Variants in GLIS3 observed in about 807,000 individuals in gnomAD.
The protein encoded by GLIS3 is zinc finger protein GLIS3.
In GLIS3, 53 loss-of-function variants were observed where a neutral mutation model predicts 78.6. The ratio of observed to expected loss-of-function variants is 0.67; its 90% CI spans 0.54 to 0.85. The LOEUF (loss-of-function observed/expected upper bound fraction) is 0.85. Ranked by LOEUF, GLIS3 falls within the 40% of genes least tolerant of loss-of-function variation. The pLI is 0.00. For missense variants in GLIS3, 1,703 were observed against 1,231.1 expected (o/e 1.38, Z -5.74); for synonymous variants, 684 against 509.9 (o/e 1.34, Z -4.60).
chr9:4,354,871 C>CT, the GLIS3 span, among the ~76,000 whole-genome samples: 4 of 152,124 alleles, frequency 2.6e-5, no homozygotes, highest in African/African-American at 9.7e-5. Context: ...AATCCCAACA[C>CT]TTTGGGAGGC....
chr9:4,326,361 A>G (rs935382448), intron 2 of GLIS3, among the ~76,000 whole-genome samples: 4 of 152,250 alleles, frequency 2.6e-5, no homozygotes, highest in South Asian at 2.1e-4. Context: ...ATACAATGGA[A>G]TATTATTCAG....
intron 2 of GLIS3, among the ~76,000 whole-genome samples, chr9:4,319,642 G>A (rs962142413): frequency 6.6e-6 from 1 of 151,772 alleles, no homozygotes; most frequent in African/African-American, 2.4e-5. Context: ...TGATCCTCCT[G>A]CCTCACCCTC....
At chr9:4,322,773 G>T (rs1333043851) in intron 2 of GLIS3, among the ~76,000 whole-genome samples, 1 of 152,120 alleles carries the variant, frequency 6.6e-6, no homozygotes, top group African/African-American at 2.4e-5. Context: ...ATTTTTTCTT[G>T]TAAATTTGTT....
intron 4 of GLIS3, among the ~76,000 whole-genome samples, chr9:3,973,150 T>G (rs892897976): frequency 1.3e-5 from 2 of 152,194 alleles, no homozygotes; most frequent in African/African-American, 2.4e-5. Context: ...AGGGCAAGTC[T>G]GCTAGGGTTC....
chr9:3,892,372 C>T (rs977172931), intron 7 of GLIS3, among the ~76,000 whole-genome samples: 3 of 152,190 alleles, frequency 2.0e-5, no homozygotes, highest in South Asian at 4.1e-4. Context: ...GTTTGAGTCA[C>T]GGCCGGGGCA....
At chr9:4,195,898 G>A (rs1343065869) in intron 2 of GLIS3, among the ~76,000 whole-genome samples, 2 of 152,260 alleles carry the variant, frequency 1.3e-5, no homozygotes, top group East Asian at 1.9e-4. Context: ...CTAGCTAGAG[G>A]ATTGTAAATG....
chr9:3,884,832 A>C (rs16919871), intron 7 of GLIS3, among the ~76,000 whole-genome samples: 6,564 of 152,144 alleles, frequency 0.043, 385 homozygotes, highest in African/African-American at 0.13. Flanking sequence ...ATGACCCAGA[A>C]CACCACCCTA....
At chr9:4,333,735 GCC>G (rs113612580) in intron 2 of GLIS3, among the ~76,000 whole-genome samples, 23 of 142,218 alleles carry the variant, frequency 1.6e-4, no homozygotes, top group African/African-American at 6.1e-4. Flanking sequence ...GCAATGTGAT[GCC>G]CCCCCCCACC....
At chr9:4,149,515 G>A (rs1021721527) in intron 2 of GLIS3, among the ~76,000 whole-genome samples, 3 of 152,178 alleles carry the variant, frequency 2.0e-5, no homozygotes, top group Non-Finnish European at 2.9e-5. Context: ...CACTCACGCG[G>A]AGCCTCCAAC....
intron 4 of GLIS3, among the ~76,000 whole-genome samples, chr9:4,043,311 C>T (rs1039826600): frequency 1.4e-4 from 22 of 152,024 alleles, no homozygotes; most frequent in Admixed American, 9.8e-4. Flanking sequence ...GCAAGAAATC[C>T]AGTTTTCTTA....
the GLIS3 span, among the ~76,000 whole-genome samples, chr9:4,470,855 C>G: frequency 0.53 from 77,333 of 144,804 alleles, 20,812 homozygotes; most frequent in Middle Eastern, 0.67. Flanking sequence ...CTAGAAAACC[C>G]CATTGTCTCA....
chr9:4,462,377 G>T, the GLIS3 span, among the ~76,000 whole-genome samples: 1 of 152,158 alleles, frequency 6.6e-6, no homozygotes, highest in Non-Finnish European at 1.5e-5. Context: ...TAAGAGACCA[G>T]TGGGGGTGTT....
the GLIS3 span, among the ~76,000 whole-genome samples, chr9:4,464,326 T>C: frequency 6.6e-6 from 1 of 151,914 alleles, no homozygotes; most frequent in African/African-American, 2.4e-5. Context: ...ACAAGCAGTA[T>C]TGATTTCAAT....
intron 4 of GLIS3, among the ~76,000 whole-genome samples, chr9:3,959,425 T>A (rs1817387430): frequency 6.6e-6 from 1 of 152,194 alleles, no homozygotes; most frequent in South Asian, 2.1e-4. Flanking sequence ...CTGAGAGGAC[T>A]AAGGCAGCTT....
At chr9:4,149,119 C>T (rs1297877396) in intron 2 of GLIS3, among the ~76,000 whole-genome samples, 1 of 152,096 alleles carries the variant, frequency 6.6e-6, no homozygotes, top group Non-Finnish European at 1.5e-5. Context: ...ACAGCTGCTA[C>T]TACTACTGCT....
At chr9:3,862,584 TCTTA>T (rs1820286009) in intron 8 of GLIS3, among the ~76,000 whole-genome samples, 1 of 152,216 alleles carries the variant, frequency 6.6e-6, no homozygotes, top group African/African-American at 2.4e-5. Flanking sequence ...CATAAATATT[TCTTA>T]CTTTTCTTCA....
At chr9:3,904,749 G>A (rs1823545514) in intron 6 of GLIS3, among the ~76,000 whole-genome samples, 1 of 152,096 alleles carries the variant, frequency 6.6e-6, no homozygotes. Flanking sequence ...ACAACTCTAT[G>A]GAGTACATAC....
At chr9:3,830,788 A>G (rs1411942987) in intron 9 of GLIS3, among the ~76,000 whole-genome samples, 1 of 152,176 alleles carries the variant, frequency 6.6e-6, no homozygotes, top group Non-Finnish European at 1.5e-5. Context: ...ACCACCTATC[A>G]AAAGAGAGGG....
intron 4 of GLIS3, among the ~76,000 whole-genome samples, chr9:3,972,423 C>T (rs1452903214): frequency 6.6e-6 from 1 of 152,186 alleles, no homozygotes; most frequent in Non-Finnish European, 1.5e-5. Flanking sequence ...GGCATGTTAG[C>T]CTGCAAAGGC....
Sources: allele counts gnomAD v4.1 joint callset (sites outside exome capture counted in the v4.1 genomes callset), GRCh38; gene constraint gnomAD v4.1.1; transcripts MANE v1.5; gene names NCBI Gene and HGNC (gene_info 2026-07-23, HGNC 2026-07-21).